Variants in ZNF440 observed in about 807,000 individuals in gnomAD.
ZNF440 encodes the protein zinc finger protein 440.
A neutral mutation model predicts 49.7 loss-of-function variants in ZNF440; 47 were observed. That is an observed-to-expected ratio of 0.95 (90% CI 0.75 to 1.21). The LOEUF (loss-of-function observed/expected upper bound fraction) is 1.21, where lower values mean the gene tolerates loss of function less well. ZNF440 is among the 50% of genes most tolerant of loss of function. The pLI is 0.00. For missense variants in ZNF440, 703 were observed against 715.0 expected, an observed-to-expected ratio of 0.98 and a Z score of 0.19; for synonymous variants, 255 against 237.7, an observed-to-expected ratio of 1.07 and a Z score of -0.67.
At chr19:11,828,933 C>A (rs1052390120) in intron 1 of ZNF440, among the ~76,000 whole-genome samples, 1 of 152,054 alleles carries the variant, frequency 6.6e-6, no homozygotes, top group African/African-American at 2.4e-5. Context: ...ATCTGCCTAC[C>A]TTGGCCTTCC....
At chr19:11,819,399 G>GT (rs74180040) in intron 1 of ZNF440, among the ~76,000 whole-genome samples, 3 of 151,810 alleles carry the variant, frequency 2.0e-5, no homozygotes, top group Non-Finnish European at 4.4e-5. Context: ...TTGTTTGTTT[G>GT]TTTTTTTGAT....
In ZNF440 at chr19:11,831,808, G is replaced by T. The variant is rs536068388; in HGVS notation, c.632G>T (p.Cys211Phe). 2.0e-5 allele frequency: 32 copies of T among 1,609,274 alleles called. No homozygotes were observed. In the South Asian group the frequency reaches 3.4e-4, roughly 17 times the overall value. ...AAGTTTTGTGGGAAAGCATTCCATT[G>T]TCTCAGATTATATCTTATCCATGAA... is the stretch of plus-strand genomic sequence containing the variant. ...KCKFCGKAFH[C>F]LRLYLIHERI... The change falls in exon 4 of 4, where the codon TGT (cysteine) becomes TTT (phenylalanine). Residue 211 changes from cysteine (C) to phenylalanine (F), a missense_variant. By Grantham distance (205) the Cys-to-Phe change is radical. Coordinates refer to ENST00000304060, the MANE Select transcript of ZNF440 (RefSeq NM_152357.3).
chr19:11,821,225 TTGGA>T (rs1391276497), intron 1 of ZNF440, among the ~76,000 whole-genome samples: 1 of 152,096 alleles, frequency 6.6e-6, no homozygotes, highest in Non-Finnish European at 1.5e-5. Flanking sequence ...GCCATGTCTC[TTGGA>T]GGGTCTAGTG....
At chr19:11,820,585 C>A (rs1424177294) in intron 1 of ZNF440, among the ~76,000 whole-genome samples, 1 of 152,164 alleles carries the variant, frequency 6.6e-6, no homozygotes, top group Non-Finnish European at 1.5e-5. Context: ...CTCAAAATCC[C>A]CACGACTGCC....
chr19:11,829,825 G>A (rs970915674), intron 1 of ZNF440, among the ~76,000 whole-genome samples: 1 of 127,830 alleles, frequency 7.8e-6, no homozygotes, highest in Non-Finnish European at 1.7e-5. Context: ...AGAATGAGAC[G>A]CTGTCTTAAA....
chr19:11,824,638 A>T (rs192113438), intron 1 of ZNF440, among the ~76,000 whole-genome samples: 1 of 151,918 alleles, frequency 6.6e-6, no homozygotes. Context: ...TGTTTCCCCA[A>T]AACATTGGGC....
At chr19:11,817,686 AAGG>A (rs1013145026) in intron 1 of ZNF440, 53 of 131,994 alleles carry the variant, frequency 4.0e-4, no homozygotes, top group Non-Finnish European at 5.0e-4. Flanking sequence ...AAAAAAAAAA[AAGG>A]AAAGAAAGAA....
intron 1 of ZNF440, chr19:11,827,564 C>T (rs1599294513): frequency 6.6e-6 from 1 of 152,320 alleles, no homozygotes; most frequent in East Asian, 1.9e-4. Flanking sequence ...TTCTCATTCA[C>T]AGATCATGCT....
rs1975749933 is a variant in ZNF440 at position 11,817,712 on chromosome 19, T to C, written c.3+3262T>C. ...AGGAAAGAAAGAAAGAAAGCCTCTCTTACAGAGTAGGGCATCCTCCTAAAG... is the reference window on the plus strand; with the variant it reads ...AGGAAAGAAAGAAAGAAAGCCTCTCCTACAGAGTAGGGCATCCTCCTAAAG... On this transcript the variant is annotated intron_variant, in intron 1 of 3. Transcript: ENST00000304060. 3 of 151,610 alleles carry C rather than the reference T, an allele frequency of 2.0e-5. No homozygotes were observed. The South Asian group carries it at 6.2e-4, about 31-fold the overall frequency. 9.4% of individuals were successfully genotyped at this position (151,610 alleles called of 1,614,324 possible). A position where few individuals can be genotyped will look rare whatever the true frequency, so the allele number is the denominator to read the frequency against.
At chr19:11,814,477 G>T in intron 1 of ZNF440, 27 bp downstream of exon 1, 1 of 1,515,506 alleles carries the variant, frequency 6.6e-7, no homozygotes, top group Non-Finnish European at 8.8e-7. Flanking sequence ...TGGCGTCCGG[G>T]CGACTGGGAG....
At chr19:11,821,868 A>G (rs909857129) in intron 1 of ZNF440, among the ~76,000 whole-genome samples, 2 of 152,256 alleles carry the variant, frequency 1.3e-5, no homozygotes, top group Non-Finnish European at 2.9e-5. Flanking sequence ...AGGCAACTCA[A>G]CAAAGCCCAT....
intron 1 of ZNF440, among the ~76,000 whole-genome samples, chr19:11,815,284 T>TCACTCA (rs770849579): frequency 4.1e-5 from 5 of 121,062 alleles, no homozygotes; most frequent in African/African-American, 1.6e-4. Flanking sequence ...GGCAACTCCG[T>TCACTCA]CACACACACA....
intron 1 of ZNF440, among the ~76,000 whole-genome samples, chr19:11,823,650 C>G (rs996738275): frequency 1.3e-5 from 2 of 151,734 alleles, no homozygotes; most frequent in African/African-American, 4.8e-5. Context: ...CTTTTTTGGA[C>G]TTGAAGAAAA....
At position 11,832,716 on chromosome 19, in the gene ZNF440, C is replaced by T. The variant is rs1367392672; in HGVS notation, c.1540C>T (p.Pro514Ser). 6 of 1,613,386 alleles carry T rather than the reference C, an allele frequency of 3.7e-6. No individual in the cohort carries two copies. In the African/African-American group the frequency reaches 4.0e-5, roughly 11 times the overall value. ...IMKGLTLERS[P>S]INASNVGKPS... The stretch of plus-strand genomic sequence containing the variant: ...GAAAGGACTCACACTGGAGAGAAGC[C>T]CTATAAATGCGAGCAATGTGGGAAA... Residue 514 changes from proline (P) to serine (S), a missense_variant, in exon 4 of 4, where the codon CCT (proline) becomes TCT (serine). Transcript: ENST00000304060.
Position 11,831,840 on chromosome 19 carries a change from C to G in ZNF440, c.664C>G (p.His222Asp), listed in dbSNP as rs1299105752. The G allele has an allele frequency of 1.2e-6, 2 of 1,613,992 alleles. No individual in the cohort carries two copies. Among genetic ancestry groups the G allele is most frequent in the Non-Finnish European group, 1.7e-6 (2 of 1,180,004 alleles). Reference sequence around the variant, plus strand: ...ATTATATCTTATCCATGAAAGAATTCACACTGGAGAGAAACCATGTGAATG... The same window carrying G: ...ATTATATCTTATCCATGAAAGAATTGACACTGGAGAGAAACCATGTGAATG... ...LRLYLIHERI[H>D]TGEKPCECKQ... is the part of the protein sequence containing the mutation. Residue 222 changes from histidine (H) to aspartate (D), a missense_variant, in exon 4 of 4, where the codon CAC (histidine) becomes GAC (aspartate). Transcript: ENST00000304060.
In ZNF440 at chr19:11,832,647, C is replaced by T. The variant is rs61742511; in HGVS notation, c.1471C>T (p.Arg491Cys). The part of the protein sequence containing the change: ...TGEKLYECKQ[R>C]SVVPSVVPVP... ...AGAGAAACTCTATGAATGCAAGCAA[C>T]GTTCAGTAGTTCCTTCAGTAGTTCC... Residue 491 changes from arginine (R) to cysteine (C), a missense_variant, in exon 4 of 4, where the codon CGT becomes TGT. Arg to Cys is a radical substitution (Grantham distance 180). Transcript: ENST00000304060. 16,699 of 1,612,144 alleles carry T rather than the reference C, an allele frequency of 0.01. 109 individuals carry two copies. The highest frequency in any genetic ancestry group is 0.013 in the Non-Finnish European group (15,087 of 1,179,534).
chr19:11,824,043 C>T (rs1217578950), intron 1 of ZNF440, among the ~76,000 whole-genome samples: 1 of 151,446 alleles, frequency 6.6e-6, no homozygotes, highest in Non-Finnish European at 1.5e-5. Flanking sequence ...ATTACCTCGT[C>T]ATTGTGATGT....
At chr19:11,820,072 C>G (rs763962514) in intron 1 of ZNF440, among the ~76,000 whole-genome samples, 5 of 152,164 alleles carry the variant, frequency 3.3e-5, no homozygotes, top group Non-Finnish European at 5.9e-5. Flanking sequence ...AGAGAATAAC[C>G]ACTAGACATT....
At chr19:11,824,503 T>A (rs954753234) in intron 1 of ZNF440, among the ~76,000 whole-genome samples, 5 of 152,206 alleles carry the variant, frequency 3.3e-5, no homozygotes, top group Admixed American at 2.6e-4. Context: ...ATGTTTTTTA[T>A]GCAAATGATA....
Sources: gnomAD v4.1 joint callset for allele counts (sites outside exome capture counted in the v4.1 genomes callset) on GRCh38, gnomAD v4.1.1 for gene constraint, MANE v1.5 for transcripts, NCBI Gene and HGNC (gene_info 2026-07-23, HGNC 2026-07-21) for gene names.